The following RGMA variants were observed in gnomAD, a reference collection of about 807,000 sequenced individuals.
RGMA encodes repulsive guidance molecule BMP co-receptor a.
A neutral mutation model predicts 23.2 loss-of-function variants in RGMA; 10 were observed. The observed-to-expected ratio is 0.43, with a 90% CI of 0.27 to 0.73. The LOEUF is 0.73. Among genes scored for constraint, RGMA ranks in the 30% least tolerant of loss-of-function variants. The pLI is 0.20. For synonymous variants in RGMA, 308 were observed against 279.3 expected, an observed-to-expected ratio of 1.10 and a Z score of -1.03; for missense variants, 547 against 630.5, an observed-to-expected ratio of 0.87 and a Z score of 1.42.
In RGMA at chr15:93,062,019, T is replaced by G. The variant is rs567218539; in HGVS notation, c.131-9512A>C. On this transcript the variant is annotated intron_variant, in intron 2 of 3. Transcript: ENST00000329082. ...AGAAAAGCTCAACAGACCAATAAAT[T>G]ACCCGCGTGCAAAGGGATTAGATCA... Among the ~76,000 whole-genome samples the G allele has an allele frequency of 9.0e-4, 136 of 151,788 alleles. No individual in the cohort carries two copies. In the Middle Eastern group the frequency reaches 0.01, roughly 11 times the overall value.
intron 2 of RGMA, among the ~76,000 whole-genome samples, chr15:93,058,827 G>GAAGA (rs2055055393): frequency 6.6e-6 from 1 of 151,954 alleles, no homozygotes; most frequent in South Asian, 2.1e-4. Context: ...AAAGACGAAC[G>GAAGA]AAGACAAGAG....
intron 3 of RGMA, among the ~76,000 whole-genome samples, chr15:93,048,773 G>A (rs78599970): frequency 6.6e-6 from 1 of 152,050 alleles, no homozygotes. Context: ...CACCTCGGTG[G>A]GGAGGCCGCC....
In RGMA at chr15:93,054,952, C is replaced by T. The variant is rs1201970963; in HGVS notation, c.131-2445G>A. ...CTGCCGCCCCCTGATAAAGCCGGTA[C>T]AGGAGGTGAGTGTGGTGGGGGCGTG... is the stretch of plus-strand genomic sequence containing the variant. On this transcript the variant is annotated intron_variant, in intron 2 of 3. Coordinates refer to ENST00000329082, the MANE Select transcript of RGMA (RefSeq NM_020211.3). Among the ~76,000 whole-genome samples the T allele has an allele frequency of 3.9e-5, 6 of 152,288 alleles. No homozygotes were observed. In the East Asian group the frequency reaches 1.2e-3, roughly 29 times the overall value.
Position 93,045,700 on chromosome 15 carries a change from G to A in RGMA, c.651C>T (p.Thr217=). The change falls in exon 4 of 4, where the codon ACC becomes ACT. Residue 217 remains threonine (T), a synonymous_variant. Transcript: ENST00000329082. The surrounding 1 kb of genome is among the most constrained non-coding windows in gnomAD (Gnocchi z 6.9). ...ACTCCTGGAAGTTCTTGAAGATGAT[G>A]GTGAGCTGCCGGGGAAAGGGGCAGA... ...GSAATATSKL[T]IIFKNFQECV... 1 of 1,601,684 alleles carries A rather than the reference G, an allele frequency of 6.2e-7. No homozygotes were observed. The highest frequency in any genetic ancestry group is 1.1e-5 in the South Asian group (1 of 91,038).
intron 3 of RGMA, among the ~76,000 whole-genome samples, chr15:93,049,179 A>G (rs2054877634): frequency 2.0e-5 from 3 of 152,150 alleles, no homozygotes; most frequent in South Asian, 2.1e-4. Flanking sequence ...GGCCCTTTCC[A>G]CTGCACCGGG....
chr15:93,048,191 TC>T (rs2054857790), intron 3 of RGMA, among the ~76,000 whole-genome samples: 1 of 152,052 alleles, frequency 6.6e-6, no homozygotes, highest in Non-Finnish European at 1.5e-5. Context: ...CTTTGTGGGT[TC>T]CCCATATTGG....
chr15:93,048,114 T>C (rs768867207), intron 3 of RGMA, among the ~76,000 whole-genome samples: 3 of 152,124 alleles, frequency 2.0e-5, no homozygotes, highest in Admixed American at 6.5e-5. Flanking sequence ...TTCCAGAACC[T>C]TCTAGGTAAT....
Position 93,052,221 on chromosome 15 carries a change from CGAGCG to C in RGMA, c.412_416del (p.Arg138GlyfsTer54). 1 of 1,608,572 alleles carries C rather than the reference CGAGCG, an allele frequency of 6.2e-7. No homozygotes were observed. The highest frequency in any genetic ancestry group is 1.1e-5 in the South Asian group (1 of 91,018). On this transcript the variant is annotated frameshift_variant, in exon 3 of 4. Transcript: ENST00000329082. LOFTEE classifies it high-confidence loss of function. ...CGTAATGGCAGATCTCGGGGCTGTC[CGAGCG>C]CTCCTGGCTGTCTCCGGCCGGTGGG...
rs1895690853 is a variant in RGMA, at chr15:93,089,037, T to C, written c.-105A>G. The C allele has an allele frequency of 1.6e-6, 1 of 639,740 alleles. No homozygotes were observed. The highest frequency in any genetic ancestry group is 2.3e-6 in the Non-Finnish European group (1 of 431,702). 39.6% of individuals were successfully genotyped at this position (639,740 alleles called of 1,614,324 possible). A position where few individuals can be genotyped will look rare whatever the true frequency, so the allele number is the denominator to read the frequency against. On this transcript the variant is annotated 5_prime_UTR_variant, in exon 1 of 4. Coordinates refer to ENST00000329082, the MANE Select transcript of RGMA (RefSeq NM_020211.3). ...CGGGGCAAGGTGGGAGGGGCTCCGC[T>C]GGCGCTGGTCCCCGCCGCCCCGGCC...
At chr15:93,087,170 G>C (rs922762670) in intron 1 of RGMA, among the ~76,000 whole-genome samples, 2 of 152,158 alleles carry the variant, frequency 1.3e-5, no homozygotes, top group African/African-American at 4.8e-5. Context: ...AGTCTCAAGG[G>C]GGTACTACAG....
Position 93,038,566 on chromosome 15 carries a change from G to GTTTTTTTTTTTTTT in RGMA, c.*6431_*6432insAAAAAAAAAAAAAA, listed in dbSNP as rs1178389064. On this transcript the variant is annotated 3_prime_UTR_variant, in exon 4 of 4. Transcript: ENST00000329082. ...ATTGCCTTAATGAACGAAACTGTTA[G>GTTTTTTTTTTTTTT]TTGTTTTTTTTTTTTTTTTGAGACG... 8.3e-5 allele frequency: 7 copies of GTTTTTTTTTTTTTT among 84,442 alleles called. No individual in the cohort carries two copies. Among genetic ancestry groups the GTTTTTTTTTTTTTT allele is most frequent in the African/African-American group, 2.5e-4 (6 of 23,640 alleles). The allele number at this position is 84,442 out of a possible 1,614,324, so 5.2% of individuals were successfully genotyped here.
intron 3 of RGMA, among the ~76,000 whole-genome samples, chr15:93,051,391 C>T (rs1191672744): frequency 6.6e-6 from 1 of 152,226 alleles, no homozygotes; most frequent in African/African-American, 2.4e-5. Context: ...TGGACGTGTC[C>T]CCATCGCCTG....
chr15:93,063,562 T>C (rs1895041288), intron 2 of RGMA, among the ~76,000 whole-genome samples: 1 of 152,238 alleles, frequency 6.6e-6, no homozygotes, highest in Non-Finnish European at 1.5e-5. Flanking sequence ...ATCCAGGTGT[T>C]TGGCATCAGA....
rs7183343 is a variant in RGMA at position 93,044,436 on chromosome 15, G to T, written c.*562C>A. ...GCGGGCACGACCTACTGGCCAAAAG[G>T]TTCCAGCAGTCTGCTAAGGTGCCAA... On this transcript the variant is annotated 3_prime_UTR_variant, in exon 4 of 4. Transcript: ENST00000329082. 11,083 of 156,170 alleles carry T rather than the reference G, an allele frequency of 0.071. 639 individuals carry two copies. The highest frequency in any genetic ancestry group is 0.16 in the African/African-American group (6,576 of 41,582). The allele number at this position is 156,170 out of a possible 1,614,324, so 9.7% of individuals were successfully genotyped here.
At position 93,038,197 on chromosome 15, in the gene RGMA, AGG is replaced by A. The variant is rs1444417958; in HGVS notation, c.*6799_*6800del. On this transcript the variant is annotated 3_prime_UTR_variant, in exon 4 of 4. Transcript: ENST00000329082. Reference sequence around the variant, plus strand: ...CCGATTCAGAAGGTGGTGGTTTCCCAGGGGACAATGGGAACTTCCACGGAATG... The same window carrying A: ...CCGATTCAGAAGGTGGTGGTTTCCCAGGACAATGGGAACTTCCACGGAATG... The A allele has an allele frequency of 6.6e-6, 1 of 152,240 alleles. No homozygotes were observed. Among genetic ancestry groups the A allele is most frequent in the Non-Finnish European group, 1.5e-5 (1 of 68,060 alleles). 9.4% of individuals were successfully genotyped at this position (152,240 alleles called of 1,614,324 possible).
intron 1 of RGMA, chr15:93,073,579 C>T (rs933637659): frequency 2.6e-6 from 4 of 1,533,550 alleles, no homozygotes; most frequent in African/African-American, 1.4e-5. Context: ...AACCAGACTG[C>T]CGACCCCAAG....
intron 2 of RGMA, among the ~76,000 whole-genome samples, chr15:93,059,923 T>A (rs531598819): frequency 1.3e-5 from 2 of 152,354 alleles, no homozygotes. Flanking sequence ...AAGGAAAGTT[T>A]GAGCTGAAAA....
At chr15:93,051,940 A>G in intron 3 of RGMA, 53 bp downstream of exon 3, 1 of 1,514,454 alleles carries the variant, frequency 6.6e-7, no homozygotes. Context: ...GTGTCCACGC[A>G]GGGCAGAGAC....
At chr15:93,054,031 A>T (rs991096253) in intron 2 of RGMA, among the ~76,000 whole-genome samples, 9 of 152,112 alleles carry the variant, frequency 5.9e-5, no homozygotes, top group African/African-American at 1.9e-4. Flanking sequence ...GGAGCTCGAG[A>T]CCAGCCTGGC....
Sources: allele counts gnomAD v4.1 joint callset (sites outside exome capture counted in the v4.1 genomes callset), GRCh38; gene constraint gnomAD v4.1.1; non-coding constraint Gnocchi (gnomAD v3.1); transcripts MANE v1.5; gene names NCBI Gene and HGNC (gene_info 2026-07-23, HGNC 2026-07-21).